FANCA: variants seen among roughly 807,000 people sequenced by gnomAD.
FANCA encodes FA complementation group A.
Under a neutral mutation model 194.3 loss-of-function variants are expected in FANCA, and 236 were observed. The observed-to-expected ratio is 1.21, with a 90% confidence interval of 1.09 to 1.35. FANCA has a LOEUF of 1.35. Ranked by LOEUF, FANCA falls within the 40% of genes most tolerant of loss-of-function variation. The pLI, the probability that FANCA is intolerant of heterozygous loss-of-function variation, is 0.00. For missense variants in FANCA, 2,628 were observed against 1,813.9 expected, an observed-to-expected ratio of 1.45 and a Z score of -8.15; for synonymous variants, 1,014 against 715.8, an observed-to-expected ratio of 1.42 and a Z score of -6.65.
At chr16:89,743,669 C>G (rs951383586) in intron 36 of FANCA, among the ~76,000 whole-genome samples, 1 of 151,704 alleles carries the variant, frequency 6.6e-6, no homozygotes, top group Non-Finnish European at 1.5e-5. Flanking sequence ...ACTAAAAATA[C>G]AAAATTAGCC....
rs2039476386 is a variant in FANCA, at chr16:89,775,683, A to G, written c.1900+59T>C. On this transcript the variant is annotated intron_variant, in intron 21 of 42. Coordinates refer to ENST00000389301, the MANE Select transcript of FANCA (RefSeq NM_000135.4). ...GGGTGGTGTAGCACAACAGACACTC[A>G]AGGTTAGGAAAATGGAAAAGCACAA... 4 of 1,400,438 alleles carry G rather than the reference A, an allele frequency of 2.9e-6. No homozygotes were observed. The South Asian group carries it at 4.8e-5, about 17-fold the overall frequency. The allele number at this position is 1,400,438 out of a possible 1,614,324, so 86.8% of individuals were successfully genotyped here.
chr16:89,767,127 A>T lies in FANCA; in HGVS notation c.2601+14T>A. 6.3e-7 allele frequency: 1 copy of T among 1,592,666 alleles called. No individual in the cohort carries two copies. The highest frequency in any genetic ancestry group is 8.6e-7 in the Non-Finnish European group (1 of 1,160,494). On this transcript the variant is annotated intron_variant, in intron 27 of 42. Coordinates refer to ENST00000389301, the MANE Select transcript of FANCA (RefSeq NM_000135.4). ...GTATGGCAGAATGGAAAAATAGGAAAAGAGTGAACCTACCTTTTTAATAAG... is the reference window on the plus strand; with the variant it reads ...GTATGGCAGAATGGAAAAATAGGAATAGAGTGAACCTACCTTTTTAATAAG...
intron 21 of FANCA, among the ~76,000 whole-genome samples, chr16:89,775,049 G>C (rs762722899): frequency 2.0e-5 from 3 of 151,404 alleles, no homozygotes; most frequent in Non-Finnish European, 4.4e-5. Flanking sequence ...AGCCAAAATC[G>C]CGCCACTGCA....
At chr16:89,792,676 A>T in intron 11 of FANCA, 129 bp from the exon 12 acceptor site, 1 of 747,174 alleles carries the variant, frequency 1.3e-6, no homozygotes, top group Non-Finnish European at 2.3e-6. Flanking sequence ...GTAGAAAGAA[A>T]GATACAAGAC....
rs55679217 is a variant in FANCA at position 89,738,492 on chromosome 16, G to T, written c.*109C>A. 8.5e-6 allele frequency: 13 copies of T among 1,529,678 alleles called. No homozygotes were observed. The highest frequency in any genetic ancestry group is 1.7e-5 in the Admixed American group (1 of 57,492). The allele number at this position is 1,529,678 out of a possible 1,614,324, so 94.8% of individuals were successfully genotyped here. ...ATAATTGATTCCTTTCCCCACTAAAGCAGTCGAGGAGATTTGTAATCCACT... is the reference window on the plus strand; with the variant it reads ...ATAATTGATTCCTTTCCCCACTAAATCAGTCGAGGAGATTTGTAATCCACT... On this transcript the variant is annotated 3_prime_UTR_variant, in exon 43 of 43. Transcript: ENST00000389301.
intron 30 of FANCA, among the ~76,000 whole-genome samples, chr16:89,753,973 G>A (rs1027374477): frequency 6.6e-6 from 1 of 152,212 alleles, no homozygotes. Flanking sequence ...AGAATTGCCT[G>A]AACCTGGAAG....
chr16:89,785,535 G>A (rs1366848825), intron 14 of FANCA, among the ~76,000 whole-genome samples: 1 of 152,174 alleles, frequency 6.6e-6, no homozygotes, highest in Non-Finnish European at 1.5e-5. Context: ...CAGAGCAAGC[G>A]AGGAACATGA....
chr16:89,787,897 G>A (rs534714510), intron 14 of FANCA, among the ~76,000 whole-genome samples: 71 of 151,154 alleles, frequency 4.7e-4, no homozygotes, highest in African/African-American at 1.6e-3. Context: ...TTTTTGAGAC[G>A]GGGTCTTGCT....
At chr16:89,813,636 G>A (rs2040989814) in intron 3 of FANCA, among the ~76,000 whole-genome samples, 1 of 152,090 alleles carries the variant, frequency 6.6e-6, no homozygotes, top group Admixed American at 6.6e-5. Flanking sequence ...GTTTCACCAT[G>A]TTGGCCAGGC....
chr16:89,783,181 A>C lies in FANCA; in HGVS notation c.1471-79T>G. On this transcript the variant is annotated intron_variant, in intron 15 of 42. Transcript: ENST00000389301. The stretch of plus-strand genomic sequence containing the variant: ...CCAGGGAGGCCACAATTCACTTCCA[A>C]CATCCACAGTGCTGAGTAGAGAAAC... 3 of 992,804 alleles carry C rather than the reference A, an allele frequency of 3.0e-6. No homozygotes were observed. The South Asian group carries it at 4.0e-5, about 13-fold the overall frequency. 61.5% of individuals were successfully genotyped at this position (992,804 alleles called of 1,614,324 possible). A position where few individuals can be genotyped will look rare whatever the true frequency, so the allele number is the denominator to read the frequency against.
At chr16:89,744,451 A>G (rs1003699262) in intron 36 of FANCA, among the ~76,000 whole-genome samples, 1 of 152,100 alleles carries the variant, frequency 6.6e-6, no homozygotes, top group Admixed American at 6.6e-5. Flanking sequence ...GGACCCGTGA[A>G]TATCTGACTG....
chr16:89,745,183 C>T (rs896340132), intron 35 of FANCA, 112 bp from the exon 36 acceptor site: 17 of 993,726 alleles, frequency 1.7e-5, no homozygotes, highest in Middle Eastern at 2.3e-4. Flanking sequence ...GGCCCACACT[C>T]GCCCTGCGCT....
rs2143679926 is a variant in FANCA at position 89,810,976 on chromosome 16, C to T, written c.379G>A (p.Ala127Thr). ...VASSVGQICT[A>T]PAETSHPVLL... ...ACAGGGTGACTGGTCTCCGCTGGAG[C>T]CGTGCAGATCTGTCCCACGCTAGAG... Residue 127 changes from alanine (A) to threonine (T), a missense_variant, in exon 4 of 43, where the codon GCT (alanine) becomes ACT (threonine). Ala to Thr is a moderately conservative substitution (Grantham distance 58). Coordinates refer to ENST00000389301, the MANE Select transcript of FANCA (RefSeq NM_000135.4). The T allele has an allele frequency of 6.2e-7, 1 of 1,614,116 alleles. No homozygotes were observed. Among genetic ancestry groups the T allele is most frequent in the Non-Finnish European group, 8.5e-7 (1 of 1,180,040 alleles).
intron 21 of FANCA, among the ~76,000 whole-genome samples, chr16:89,774,527 G>C (rs978866423): frequency 2.0e-5 from 3 of 151,396 alleles, no homozygotes; most frequent in Non-Finnish European, 4.4e-5. Flanking sequence ...TCAGGAGATT[G>C]AGACCATTCT....
At chr16:89,785,084 T>G in intron 14 of FANCA, 120 bp from the exon 15 acceptor site, 1 of 738,546 alleles carries the variant, frequency 1.4e-6, no homozygotes, top group East Asian at 2.7e-5. Flanking sequence ...CTGCACCACC[T>G]AGGCAGTGTC....
Position 89,799,769 on chromosome 16 carries a change from G to A in FANCA, c.793-131C>T, listed in dbSNP as rs34427386. The A allele has an allele frequency of 8.6e-3, 6,407 of 740,928 alleles. 46 individuals carry two copies. Among genetic ancestry groups the A allele is most frequent in the Non-Finnish European group, 0.012 (5,033 of 419,122 alleles). The allele number at this position is 740,928 out of a possible 1,614,324, so 45.9% of individuals were successfully genotyped here. A position where few individuals can be genotyped will look rare whatever the true frequency, so the allele number is the denominator to read the frequency against. Reference sequence around the variant, plus strand: ...GGCACTTCAGGAGGCCGAGGCGGGCGGATCACGAGGTCAGGAGATCGAGAC... The same window carrying A: ...GGCACTTCAGGAGGCCGAGGCGGGCAGATCACGAGGTCAGGAGATCGAGAC... On this transcript the variant is annotated intron_variant, in intron 8 of 42. Transcript: ENST00000389301.
At chr16:89,799,673 ATCT>A in intron 8 of FANCA, 35 bp from the exon 9 acceptor site, 9 of 1,563,968 alleles carry the variant, frequency 5.8e-6, no homozygotes, top group Non-Finnish European at 7.0e-6. Context: ...CATCTTGGTA[ATCT>A]TCTGTAATTT....
intron 21 of FANCA, among the ~76,000 whole-genome samples, chr16:89,774,729 CAAAAAAAAAAA>C (rs780078944): frequency 9.0e-5 from 2 of 22,200 alleles, no homozygotes; most frequent in African/African-American, 1.6e-4. Context: ...GACTCTGTCT[CAAAAAAAAAAA>C]AAAAAAAAAA....
At chr16:89,748,867 C>T (rs189346201) in intron 32 of FANCA, 100 bp from the exon 33 acceptor site, 88 of 960,112 alleles carry the variant, frequency 9.2e-5, no homozygotes, top group Non-Finnish European at 8.1e-6. Context: ...CCCTGAAACC[C>T]AGGGCCACTG....
Sources: allele counts gnomAD v4.1 joint callset (sites outside exome capture counted in the v4.1 genomes callset), GRCh38; gene constraint gnomAD v4.1.1; transcripts MANE v1.5; gene names NCBI Gene and HGNC (gene_info 2026-07-23, HGNC 2026-07-21).